INPP4B: variants seen among roughly 807,000 people sequenced by gnomAD.
INPP4B encodes inositol polyphosphate 4-phosphatase type II.
In INPP4B, 55 loss-of-function variants were observed where a neutral mutation model predicts 122.5. The observed-to-expected ratio is 0.45, with a 90% confidence interval of 0.36 to 0.56. The LOEUF (loss-of-function observed/expected upper bound fraction) is 0.56. Among genes scored for constraint, INPP4B ranks in the 20% least tolerant of loss-of-function variants. INPP4B has a pLI of 0.00. For missense variants in INPP4B, 1,000 were observed against 1,097.7 expected, an observed-to-expected ratio of 0.91 and a Z score of 1.26; for synonymous variants, 403 against 388.7, an observed-to-expected ratio of 1.04 and a Z score of -0.43.
At chr4:142,770,727 AAC>A (rs1345142088) in intron 1 of INPP4B, among the ~76,000 whole-genome samples, 1 of 152,114 alleles carries the variant, frequency 6.6e-6, no homozygotes, top group East Asian at 1.9e-4. Context: ...TTAAAGAGAA[AAC>A]ACATGCCTCC....
At chr4:142,128,161 C>G (rs758066517) in intron 18 of INPP4B, among the ~76,000 whole-genome samples, 1 of 151,700 alleles carries the variant, frequency 6.6e-6, no homozygotes, top group Admixed American at 6.6e-5. Flanking sequence ...ATTTGGTCCT[C>G]CTGATAAAGA....
intron 22 of INPP4B, among the ~76,000 whole-genome samples, chr4:142,110,785 C>A (rs866926412): frequency 6.6e-6 from 1 of 152,118 alleles, no homozygotes; most frequent in Non-Finnish European, 1.5e-5. Flanking sequence ...AATAAAATGA[C>A]TGACAACTAA....
chr4:142,557,238 T>C (rs1383180500), intron 2 of INPP4B, among the ~76,000 whole-genome samples: 1 of 151,954 alleles, frequency 6.6e-6, no homozygotes, highest in East Asian at 1.9e-4. Flanking sequence ...GAGGAGAACA[T>C]AAAGAATGGA....
intron 25 of INPP4B, among the ~76,000 whole-genome samples, chr4:142,041,156 A>G (rs1025392951): frequency 3.3e-5 from 5 of 152,144 alleles, no homozygotes; most frequent in Admixed American, 1.3e-4. Flanking sequence ...TTAGGATATG[A>G]GTAACACGAA....
intron 1 of INPP4B, among the ~76,000 whole-genome samples, chr4:142,811,055 T>C (rs1779455337): frequency 1.3e-5 from 2 of 152,250 alleles, no homozygotes; most frequent in Admixed American, 1.3e-4. Flanking sequence ...ACTAATCTAC[T>C]TTCAATCCAG....
intron 2 of INPP4B, among the ~76,000 whole-genome samples, chr4:142,553,015 T>C (rs1488304423): frequency 6.6e-6 from 1 of 152,222 alleles, no homozygotes; most frequent in Non-Finnish European, 1.5e-5. Flanking sequence ...TAAACAACAC[T>C]GTATGCTGAA....
intron 2 of INPP4B, among the ~76,000 whole-genome samples, chr4:142,478,612 C>A (rs559122146): frequency 6.6e-6 from 1 of 152,066 alleles, no homozygotes; most frequent in Admixed American, 6.6e-5. Context: ...TATGTTAAAT[C>A]AAACTTGCAT....
intron 2 of INPP4B, among the ~76,000 whole-genome samples, chr4:142,512,240 T>G (rs1246562531): frequency 1.3e-5 from 2 of 152,146 alleles, no homozygotes; most frequent in African/African-American, 4.8e-5. Flanking sequence ...GCTAAGTACC[T>G]TTTAGGTATA....
At chr4:142,245,144 C>T (rs1320653070) in intron 11 of INPP4B, among the ~76,000 whole-genome samples, 1 of 151,982 alleles carries the variant, frequency 6.6e-6, no homozygotes, top group Admixed American at 6.6e-5. Flanking sequence ...GAATAGATTG[C>T]AAAAATTTTC....
intron 15 of INPP4B, among the ~76,000 whole-genome samples, chr4:142,191,043 A>C (rs1034412385): frequency 1.3e-5 from 2 of 152,140 alleles, no homozygotes; most frequent in African/African-American, 4.8e-5. Flanking sequence ...GTCAACTCTC[A>C]AGACTGAGAC....
In INPP4B at chr4:142,283,674, A is replaced by G. The variant is rs561439128; in HGVS notation, c.504-12900T>C. On this transcript the variant is annotated intron_variant, in intron 9 of 25. Transcript: ENST00000262992. ...GTGTACCTAAACATGGAAAAGGCAGAGCAAAAATATGGTGTTATAATCTTA... is the reference window on the plus strand; with the variant it reads ...GTGTACCTAAACATGGAAAAGGCAGGGCAAAAATATGGTGTTATAATCTTA... Among the ~76,000 whole-genome samples, 20 of 152,264 alleles carry G rather than the reference A, an allele frequency of 1.3e-4. No homozygotes were observed. In the South Asian group the frequency reaches 4.1e-3, roughly 32 times the overall value.
intron 4 of INPP4B, among the ~76,000 whole-genome samples, chr4:142,429,909 A>T (rs1282679455): frequency 3.3e-5 from 5 of 152,128 alleles, no homozygotes. Flanking sequence ...CCTAAAATCC[A>T]CACACAGTGT....
intron 7 of INPP4B, among the ~76,000 whole-genome samples, chr4:142,339,973 CA>C (rs1363909366): frequency 2.0e-5 from 3 of 152,136 alleles, no homozygotes; most frequent in African/African-American, 7.2e-5. Context: ...AGATATACCT[CA>C]GGGGGCTACA....
intron 21 of INPP4B, among the ~76,000 whole-genome samples, chr4:142,115,177 A>G (rs1423733987): frequency 6.6e-6 from 1 of 152,186 alleles, no homozygotes; most frequent in African/African-American, 2.4e-5. Context: ...GACCAAATCT[A>G]CATCTGATTG....
At chr4:142,551,279 T>C (rs1580349331) in intron 2 of INPP4B, among the ~76,000 whole-genome samples, 1 of 152,178 alleles carries the variant, frequency 6.6e-6, no homozygotes, top group African/African-American at 2.4e-5. Context: ...GCAAGAAGCC[T>C]TTTCAAAGCT....
At chr4:142,148,513 G>C (rs61299426) in intron 17 of INPP4B, among the ~76,000 whole-genome samples, 14 of 152,222 alleles carry the variant, frequency 9.2e-5, no homozygotes, top group African/African-American at 3.4e-4. Context: ...CTGCACCAAA[G>C]GGAACTTTAT....
At chr4:142,618,946 T>G (rs1173004442) in intron 2 of INPP4B, among the ~76,000 whole-genome samples, 8 of 151,944 alleles carry the variant, frequency 5.3e-5, no homozygotes, top group Non-Finnish European at 1.2e-4. Flanking sequence ...TATACATTTC[T>G]CCAAAGACCA....
chr4:142,628,943 T>A (rs920390391), intron 2 of INPP4B, among the ~76,000 whole-genome samples: 10 of 152,188 alleles, frequency 6.6e-5, no homozygotes, highest in African/African-American at 2.4e-4. Context: ...TCAAAATATG[T>A]CCATAAGAAA....
At chr4:142,625,801 C>A (rs1266303805) in intron 2 of INPP4B, among the ~76,000 whole-genome samples, 2 of 152,024 alleles carry the variant, frequency 1.3e-5, no homozygotes, top group African/African-American at 2.4e-5. Context: ...ATCAATGGAA[C>A]AGAACAGAGC....
Sources: allele counts gnomAD v4.1 joint callset (sites outside exome capture counted in the v4.1 genomes callset), GRCh38; gene constraint gnomAD v4.1.1; transcripts MANE v1.5; gene names NCBI Gene and HGNC (gene_info 2026-07-23, HGNC 2026-07-21).